KIF16B: variants seen among roughly 807,000 people sequenced by gnomAD.
KIF16B encodes the protein kinesin-like protein KIF16B.
In KIF16B, 98 loss-of-function variants were observed where a neutral mutation model predicts 156.3. The observed-to-expected ratio is 0.63, with a 90% CI of 0.53 to 0.74. The LOEUF (loss-of-function observed/expected upper bound fraction) is 0.74. KIF16B is among the 30% of genes least tolerant of loss of function. The pLI is 0.00. For missense variants in KIF16B, 1,421 were observed against 1,606.5 expected (o/e 0.88, Z 1.97); for synonymous variants, 564 against 583.7 (o/e 0.97, Z 0.49).
chr20:16,390,617 A>G (rs1450514503), intron 17 of KIF16B, among the ~76,000 whole-genome samples: 1 of 152,112 alleles, frequency 6.6e-6, no homozygotes, highest in Non-Finnish European at 1.5e-5. Context: ...CTCCTCATCC[A>G]TTCTTCTACC....
chr20:16,358,981 A>G (rs965466381), intron 22 of KIF16B, among the ~76,000 whole-genome samples: 1 of 152,188 alleles, frequency 6.6e-6, no homozygotes, highest in South Asian at 2.1e-4. Context: ...AGTATTTGTA[A>G]TTTCTAAGAC....
intron 24 of KIF16B, among the ~76,000 whole-genome samples, chr20:16,326,679 T>G (rs1385346388): frequency 1.3e-5 from 2 of 151,946 alleles, no homozygotes; most frequent in East Asian, 3.9e-4. Context: ...ATAAAAGATG[T>G]TGGCATGGAT....
At chr20:16,406,857 G>T (rs772092009) in intron 15 of KIF16B, among the ~76,000 whole-genome samples, 1 of 152,102 alleles carries the variant, frequency 6.6e-6, no homozygotes, top group African/African-American at 2.4e-5. Context: ...TATTGATACT[G>T]GTAAAAGTAG....
rs1329090138 is a variant in KIF16B, at chr20:16,504,484, G to C, written c.1064C>G (p.Ala355Gly). 6.2e-7 allele frequency: 1 copy of C among 1,613,886 alleles called. No individual in the cohort carries two copies. Among genetic ancestry groups the C allele is most frequent in the African/African-American group, 1.3e-5 (1 of 74,898 alleles). ...GGTAGGCTTGTTGATGATGTTTTTG[G>C]CTCTATTTGCATAGCGAAGAGTACT... ...TLSTLRYANRAKNIINKPTIN... is the reference protein window; with the variant it reads ...TLSTLRYANRGKNIINKPTIN... Residue 355 changes from alanine to glycine, a missense_variant, in exon 10 of 26, where the codon GCC becomes GGC. Ala to Gly is a moderately conservative substitution (Grantham distance 60). Transcript: ENST00000354981.
intron 24 of KIF16B, among the ~76,000 whole-genome samples, chr20:16,326,305 CTTAA>C (rs2063847700): frequency 6.6e-6 from 1 of 151,406 alleles, no homozygotes; most frequent in Non-Finnish European, 1.5e-5. Flanking sequence ...ATAGATGGGA[CTTAA>C]TTAAACTAAA....
At position 16,454,083 on chromosome 20, in the gene KIF16B, C is replaced by T. The variant is rs968050324; in HGVS notation, c.1303-24101G>A. On this transcript the variant is annotated intron_variant, in intron 12 of 25. Coordinates refer to ENST00000354981, the MANE Select transcript of KIF16B (RefSeq NM_024704.5). Reference sequence around the variant, plus strand: ...CTTGGGGCGATCTACAATGTATCTACATAATAATGTACCGTGCACTTGTGA... The same window carrying T: ...CTTGGGGCGATCTACAATGTATCTATATAATAATGTACCGTGCACTTGTGA... 2.0e-5 allele frequency among the ~76,000 whole-genome samples: 3 copies of T among 152,134 alleles called. No homozygotes were observed. In the South Asian group the frequency reaches 6.2e-4, roughly 32 times the overall value.
intron 12 of KIF16B, among the ~76,000 whole-genome samples, chr20:16,445,642 G>C (rs1317133588): frequency 6.6e-6 from 1 of 152,012 alleles, no homozygotes; most frequent in Admixed American, 6.6e-5. Context: ...TTTTGTCCAG[G>C]TCAGCACTTT....
At chr20:16,286,318 T>C (rs541232490) in intron 25 of KIF16B, among the ~76,000 whole-genome samples, 1 of 152,276 alleles carries the variant, frequency 6.6e-6, no homozygotes, top group African/African-American at 2.4e-5. Context: ...TTTTGATAGA[T>C]ATTGCCAAAT....
intron 1 of KIF16B, among the ~76,000 whole-genome samples, chr20:16,551,803 A>G (rs140759212): frequency 6.6e-6 from 1 of 152,280 alleles, no homozygotes; most frequent in African/African-American, 2.4e-5. Context: ...TCTGTGGCTC[A>G]GCTGACCAAA....
chr20:16,331,861 GTAA>G (rs1274945556), intron 24 of KIF16B, among the ~76,000 whole-genome samples: 1 of 152,060 alleles, frequency 6.6e-6, no homozygotes, highest in Non-Finnish European at 1.5e-5. Flanking sequence ...TACAGAGATG[GTAA>G]TAATATAAGC....
Position 16,515,537 on chromosome 20 carries a change from A to T in KIF16B, c.348+11T>A. 1 of 1,400,056 alleles carries T rather than the reference A, an allele frequency of 7.1e-7. No homozygotes were observed. The highest frequency in any genetic ancestry group is 2.3e-5 in the East Asian group (1 of 43,884). The allele number at this position is 1,400,056 out of a possible 1,614,324, so 86.7% of individuals were successfully genotyped here. A position where few individuals can be genotyped will look rare whatever the true frequency, so the allele number is the denominator to read the frequency against. On this transcript the variant is annotated intron_variant, in intron 4 of 25. Transcript: ENST00000354981. ...GAGAAATTTCCTTCCCACACAGTAT[A>T]AACAACGTACAGAATTTCCCATCAT...
chr20:16,468,263 T>A (rs138086800), intron 12 of KIF16B, among the ~76,000 whole-genome samples: 119 of 152,156 alleles, frequency 7.8e-4, no homozygotes, highest in Admixed American at 1.6e-3. Context: ...ACTTAGAAAG[T>A]TGTCACAGAT....
intron 3 of KIF16B, among the ~76,000 whole-genome samples, chr20:16,516,562 C>G (rs1440153262): frequency 1.3e-5 from 2 of 152,190 alleles, no homozygotes; most frequent in Non-Finnish European, 2.9e-5. Flanking sequence ...AGATGCCAAA[C>G]AAGGAAGCTC....
chr20:16,488,525 T>G (rs951749004), intron 12 of KIF16B, among the ~76,000 whole-genome samples: 1 of 152,084 alleles, frequency 6.6e-6, no homozygotes, highest in Non-Finnish European at 1.5e-5. Flanking sequence ...GAGAAAAAAC[T>G]GGGGATTCCT....
In KIF16B at chr20:16,356,377, C is replaced by A; in HGVS notation, c.3574G>T (p.Val1192Phe). The A allele has an allele frequency of 6.2e-7, 1 of 1,614,172 alleles. No individual in the cohort carries two copies. The highest frequency in any genetic ancestry group is 8.5e-7 in the Non-Finnish European group (1 of 1,180,008). ...DPIKISIPRYVLCGQGKDAHF... is the reference protein window; with the variant it reads ...DPIKISIPRYFLCGQGKDAHF... ...GCATCCTTTCCTTGCCCGCAGAGGA[C>A]GTAGCGTGGGATACTAATTTTAATT... The change falls in exon 23 of 26, where the codon GTC becomes TTC. Residue 1192 changes from valine (V) to phenylalanine (F), a missense_variant. By Grantham distance (50) the Val-to-Phe change is conservative. Coordinates refer to ENST00000354981, the MANE Select transcript of KIF16B (RefSeq NM_024704.5).
chr20:16,294,595 G>A (rs979864417), intron 25 of KIF16B, among the ~76,000 whole-genome samples: 2 of 152,176 alleles, frequency 1.3e-5, no homozygotes, highest in Non-Finnish European at 2.9e-5. Context: ...GGCCTTGCCT[G>A]CTCCCAGCCT....
At chr20:16,512,711 A>G in intron 5 of KIF16B, 115 bp downstream of exon 5, 1 of 640,316 alleles carries the variant, frequency 1.6e-6, no homozygotes, top group South Asian at 2.2e-5. Context: ...GGGAAAAGGG[A>G]AGACTTTTTC....
At chr20:16,475,564 G>A (rs1021079874) in intron 12 of KIF16B, among the ~76,000 whole-genome samples, 1 of 152,172 alleles carries the variant, frequency 6.6e-6, no homozygotes, top group Non-Finnish European at 1.5e-5. Context: ...GATCAGCCGG[G>A]AACCAACGCA....
chr20:16,490,291 C>T (rs2068249242), intron 12 of KIF16B, among the ~76,000 whole-genome samples: 1 of 152,052 alleles, frequency 6.6e-6, no homozygotes, highest in African/African-American at 2.4e-5. Context: ...CTCACGCCTG[C>T]AACACTTTGG....
Sources: allele counts gnomAD v4.1 joint callset (sites outside exome capture counted in the v4.1 genomes callset), GRCh38; gene constraint gnomAD v4.1.1; transcripts MANE v1.5; gene names NCBI Gene and HGNC (gene_info 2026-07-23, HGNC 2026-07-21).